The following SH3KBP1 variants were observed in gnomAD, a reference collection of about 807,000 sequenced individuals.
The protein encoded by SH3KBP1 is SH3 domain containing kinase binding protein 1.
A neutral mutation model predicts 50.1 loss-of-function variants in SH3KBP1; 8 were observed. The ratio of observed to expected loss-of-function variants is 0.16; its 90% CI spans 0.09 to 0.29. The LOEUF is 0.29. Ranked by LOEUF, SH3KBP1 falls within the 10% of genes least tolerant of loss-of-function variation. The pLI is 1.00. For synonymous variants in SH3KBP1, 227 were observed against 218.6 expected, an observed-to-expected ratio of 1.04 and a Z score of -0.34; for missense variants, 377 against 535.2, an observed-to-expected ratio of 0.70 and a Z score of 2.92.
chrX:19,583,984 A>G (rs2066466580), intron 12 of SH3KBP1, among the ~76,000 whole-genome samples: 2 of 94,958 alleles, frequency 2.1e-5, no homozygotes, highest in African/African-American at 7.9e-5. Flanking sequence ...ATATATTTCT[A>G]AATATTTATA....
At chrX:19,684,714 C>T (rs1050327479) in intron 5 of SH3KBP1, among the ~76,000 whole-genome samples, 7 of 112,088 alleles carry the variant, frequency 6.2e-5, no homozygotes, top group African/African-American at 9.8e-5. Flanking sequence ...GCCAGAATCC[C>T]CCAAACCTAC....
chrX:19,838,649 G>A (rs1254121731), intron 1 of SH3KBP1, among the ~76,000 whole-genome samples: 1 of 111,511 alleles, frequency 9.0e-6, no homozygotes, highest in East Asian at 2.8e-4. Context: ...AGCACTTTGG[G>A]AGGCCAAGGC....
At chrX:19,815,417 T>C (rs758969483) in intron 2 of SH3KBP1, among the ~76,000 whole-genome samples, 2 of 111,642 alleles carry the variant, frequency 1.8e-5, no homozygotes, top group South Asian at 3.8e-4. Context: ...TATATGACTA[T>C]AGTACAATAT....
intron 2 of SH3KBP1, among the ~76,000 whole-genome samples, chrX:19,748,325 G>A (rs998207385): frequency 3.6e-5 from 4 of 111,931 alleles, no homozygotes; most frequent in African/African-American, 6.5e-5. Flanking sequence ...GGGGAAGGGT[G>A]GGAGAAGCAG....
At chrX:19,873,288 A>ATG (rs1403296139) in intron 1 of SH3KBP1, among the ~76,000 whole-genome samples, 8 of 89,495 alleles carry the variant, frequency 8.9e-5, no homozygotes, top group East Asian at 3.2e-4. Flanking sequence ...ATATATATAT[A>ATG]TGTATATATA....
chrX:19,694,978 A>G (rs2148638287), intron 5 of SH3KBP1: 2 of 1,185,407 alleles, frequency 1.7e-6, no homozygotes, highest in East Asian at 6.1e-5. Flanking sequence ...GGGAGAACGA[A>G]GTTTCCCGGT....
intron 1 of SH3KBP1, among the ~76,000 whole-genome samples, chrX:19,873,289 T>TATATATATATATATATATATATAC (rs1569493039): frequency 1.3e-5 from 1 of 75,210 alleles, no homozygotes; most frequent in African/African-American, 5.5e-5. Flanking sequence ...TATATATATA[T>TATATATATATATATATATATATAC]GTATATATAT....
intron 4 of SH3KBP1, among the ~76,000 whole-genome samples, chrX:19,697,158 G>A (rs1487173447): frequency 8.9e-6 from 1 of 111,967 alleles, no homozygotes; most frequent in Non-Finnish European, 1.9e-5. Flanking sequence ...TAGGTTAGGT[G>A]TATTAAATAC....
chrX:19,746,096 C>T (rs2064910492), intron 3 of SH3KBP1, among the ~76,000 whole-genome samples: 1 of 113,048 alleles, frequency 8.8e-6, no homozygotes, highest in Non-Finnish European at 1.9e-5. Context: ...ATGTAGTCTA[C>T]TTTCCCACTG....
chrX:19,851,131 G>C (rs1379998084), intron 1 of SH3KBP1, among the ~76,000 whole-genome samples: 2 of 111,731 alleles, frequency 1.8e-5, no homozygotes, highest in African/African-American at 6.5e-5. Context: ...TTTGCAGAAA[G>C]AGAAACATAA....
intron 8 of SH3KBP1, among the ~76,000 whole-genome samples, chrX:19,621,073 C>CTTTTTTTTTT (rs1186690221): frequency 1.8e-4 from 6 of 32,670 alleles, no homozygotes; most frequent in Admixed American, 3.7e-4. Flanking sequence ...TCTTTTCTTT[C>CTTTTTTTTTT]TTTTTTTTTT....
intron 2 of SH3KBP1, among the ~76,000 whole-genome samples, chrX:19,793,163 G>A (rs1045747144): frequency 9.2e-6 from 1 of 108,903 alleles, no homozygotes; most frequent in East Asian, 2.9e-4. Flanking sequence ...CAGGCATGGT[G>A]GTTGCACACC....
At chrX:19,830,218 T>G (rs760532750) in intron 2 of SH3KBP1, among the ~76,000 whole-genome samples, 24 of 110,642 alleles carry the variant, frequency 2.2e-4, no homozygotes, top group East Asian at 8.4e-4. Context: ...AAGATGCAGT[T>G]GCTCTGGTTC....
At chrX:19,741,793 CCCATCACCAAG>C (rs762343235) in intron 3 of SH3KBP1, among the ~76,000 whole-genome samples, 3 of 111,827 alleles carry the variant, frequency 2.7e-5, no homozygotes, top group Non-Finnish European at 3.8e-5. Context: ...CTTTATCTGC[CCCATCACCAAG>C]CACAAGGGCA....
chrX:19,860,162 G>A (rs1054275705), intron 1 of SH3KBP1, among the ~76,000 whole-genome samples: 1 of 108,991 alleles, frequency 9.2e-6, no homozygotes, highest in East Asian at 2.9e-4. Context: ...CCGGCAACTC[G>A]GGAAGCTGGG....
intron 6 of SH3KBP1, among the ~76,000 whole-genome samples, chrX:19,666,237 A>G (rs1238987856): frequency 1.8e-5 from 2 of 111,812 alleles, no homozygotes; most frequent in Non-Finnish European, 3.8e-5. Context: ...CGTAAGATGA[A>G]TAAGATACCA....
Position 19,762,642 on chromosome X carries a change from G to A in SH3KBP1, c.163-16201C>T, listed in dbSNP as rs1014984426. ...TTCCTTGAGTAATAATAAAACTCTG[G>A]TCTCCCACACAGCCAGCTCTGCAGG... On this transcript the variant is annotated intron_variant, in intron 2 of 17. Coordinates refer to ENST00000397821, the MANE Select transcript of SH3KBP1 (RefSeq NM_031892.3). Among the ~76,000 whole-genome samples, 3 of 111,103 alleles carry A rather than the reference G, an allele frequency of 2.7e-5. No individual in the cohort carries two copies. The East Asian group carries it at 8.4e-4, about 31-fold the overall frequency.
intron 1 of SH3KBP1, among the ~76,000 whole-genome samples, chrX:19,864,813 C>T (rs5955856): frequency 0.31 from 33,985 of 111,270 alleles, 6,644 homozygotes; most frequent in African/African-American, 0.73. Flanking sequence ...AGTACCACCG[C>T]TGCGTCTTTT....
intron 2 of SH3KBP1, among the ~76,000 whole-genome samples, chrX:19,833,352 C>T (rs1241313290): frequency 9.6e-6 from 1 of 103,724 alleles, no homozygotes; most frequent in Non-Finnish European, 2.0e-5. Context: ...CAGGGTCCCC[C>T]TACCTCTTTC....
Sources: allele counts gnomAD v4.1 joint callset (sites outside exome capture counted in the v4.1 genomes callset), GRCh38; gene constraint gnomAD v4.1.1; transcripts MANE v1.5; gene names NCBI Gene and HGNC (gene_info 2026-07-23, HGNC 2026-07-21).